Variants in AUNIP observed in about 807,000 individuals in gnomAD.
AUNIP encodes the protein aurora kinase A and ninein interacting protein.
A neutral mutation model predicts 12.2 loss-of-function variants in AUNIP; 16 were observed. That is an observed-to-expected ratio of 1.31 (90% CI 0.88 to 1.99). The LOEUF (loss-of-function observed/expected upper bound fraction) is 1.99, where lower values mean the gene tolerates loss of function less well. AUNIP is among the 30% of genes most tolerant of loss of function. The pLI is 0.00. For synonymous variants in AUNIP, 142 were observed against 154.8 expected (o/e 0.92, Z 0.61); for missense variants, 411 against 419.1 (o/e 0.98, Z 0.17).
intron 1 of AUNIP, among the ~76,000 whole-genome samples, chr1:25,858,958 G>A (rs2048484761): frequency 6.6e-6 from 1 of 152,066 alleles, no homozygotes; most frequent in Non-Finnish European, 1.5e-5. Flanking sequence ...GGCCTCCTAG[G>A]GAGCCTGGTC....
At chr1:25,837,326 A>T in intron 2 of AUNIP, 87 bp downstream of exon 2, 1 of 1,445,560 alleles carries the variant, frequency 6.9e-7, no homozygotes, top group Non-Finnish European at 9.3e-7. Flanking sequence ...TGGTTTCACC[A>T]TTTCTCATAA....
chr1:25,836,537 C>T (rs980809884), intron 2 of AUNIP, among the ~76,000 whole-genome samples: 1 of 152,188 alleles, frequency 6.6e-6, no homozygotes, highest in Admixed American at 6.5e-5. Context: ...ATGGAATTCC[C>T]AACTTGGCTC....
In AUNIP at chr1:25,836,207, G is replaced by A. The variant is rs150588293; in HGVS notation, c.221-361C>T. On this transcript the variant is annotated intron_variant, in intron 2 of 2. Transcript: ENST00000374298. ...GTTTTGCTTTTGTTTTTTATTTAAT[G>A]TGGTTTTTTACTAAATGGTGATCCT... 5.4e-4 allele frequency among the ~76,000 whole-genome samples: 82 copies of A among 152,238 alleles called. 1 individual carries two copies. In the East Asian group the frequency reaches 0.014, roughly 27 times the overall value.
Position 25,834,019 on chromosome 1 carries a change from T to C in AUNIP, c.*974A>G, listed in dbSNP as rs754359893. 1.1e-5 allele frequency: 11 copies of C among 984,092 alleles called. No individual in the cohort carries two copies. Among genetic ancestry groups the C allele is most frequent in the South Asian group, 4.7e-5 (1 of 21,256 alleles). The allele number at this position is 984,092 out of a possible 1,614,324, so 61.0% of individuals were successfully genotyped here. On this transcript the variant is annotated 3_prime_UTR_variant, in exon 3 of 3. Transcript: ENST00000374298. ...TATCACAAGAGCCACTTTGTAAACA[T>C]TTATTTGGATTCATAGTTTTACAAA...
intron 1 of AUNIP, among the ~76,000 whole-genome samples, chr1:25,839,288 C>T (rs1446661644): frequency 6.6e-6 from 1 of 152,176 alleles, no homozygotes; most frequent in African/African-American, 2.4e-5. Flanking sequence ...CTGAGATTTG[C>T]AGTGCAGAGA....
At chr1:25,842,131 G>A (rs1271887467) in intron 1 of AUNIP, among the ~76,000 whole-genome samples, 1 of 152,176 alleles carries the variant, frequency 6.6e-6, no homozygotes, top group Non-Finnish European at 1.5e-5. Flanking sequence ...GCCAAAAGCT[G>A]AGCCTTTTGC....
At chr1:25,836,434 G>C (rs2048303394) in intron 2 of AUNIP, among the ~76,000 whole-genome samples, 1 of 152,176 alleles carries the variant, frequency 6.6e-6, no homozygotes, top group East Asian at 1.9e-4. Flanking sequence ...TCAATCAGTA[G>C]GTAGAATAGT....
chr1:25,844,376 G>A (rs1206362829), intron 1 of AUNIP, among the ~76,000 whole-genome samples: 1 of 152,172 alleles, frequency 6.6e-6, no homozygotes, highest in Non-Finnish European at 1.5e-5. Flanking sequence ...TGGGATTACA[G>A]GTGTGAGCCA....
chr1:25,834,735 G>A lies in AUNIP; in HGVS notation c.*258C>T. The A allele has an allele frequency of 7.5e-7, 1 of 1,324,766 alleles. No individual in the cohort carries two copies. Among genetic ancestry groups the A allele is most frequent in the East Asian group, 3.0e-5 (1 of 33,778 alleles). The allele number at this position is 1,324,766 out of a possible 1,614,324, so 82.1% of individuals were successfully genotyped here. A position where few individuals can be genotyped will look rare whatever the true frequency, so the allele number is the denominator to read the frequency against. On this transcript the variant is annotated 3_prime_UTR_variant, in exon 3 of 3. Transcript: ENST00000374298. ...ACTTTCATAGAGATAAATACCCACT[G>A]TGCTGCCTCAGTGTTCATCATAGAC...
chr1:25,856,605 G>A (rs981015945), intron 1 of AUNIP, among the ~76,000 whole-genome samples: 1 of 152,072 alleles, frequency 6.6e-6, no homozygotes, highest in Non-Finnish European at 1.5e-5. Context: ...AACCCAGGAG[G>A]TGGAGGTTGC....
chr1:25,850,782 T>A (rs1016374661), intron 1 of AUNIP, among the ~76,000 whole-genome samples: 1 of 94,326 alleles, frequency 1.1e-5, no homozygotes, highest in Non-Finnish European at 2.4e-5. Flanking sequence ...TTTTTTCTAA[T>A]TTTTTTAAGT....
At chr1:25,850,674 T>C (rs2124511230) in intron 1 of AUNIP, among the ~76,000 whole-genome samples, 1 of 152,364 alleles carries the variant, frequency 6.6e-6, no homozygotes, top group South Asian at 2.1e-4. Context: ...TTTGATTCTA[T>C]TGTAAATGAA....
At chr1:25,837,607 C>T in intron 1 of AUNIP, 53 bp from the exon 2 acceptor site, 8 of 1,554,270 alleles carry the variant, frequency 5.1e-6, no homozygotes, top group East Asian at 4.5e-5. Flanking sequence ...AAAAGACATA[C>T]AGTAGAGATT....
At chr1:25,855,542 G>T in intron 1 of AUNIP, among the ~76,000 whole-genome samples, 1 of 152,102 alleles carries the variant, frequency 6.6e-6, no homozygotes, top group East Asian at 1.9e-4. Context: ...CAAGGCCTAA[G>T]TAACGAGGCC....
At chr1:25,845,709 ATACTT>A (rs1225691410) in intron 1 of AUNIP, among the ~76,000 whole-genome samples, 1 of 152,298 alleles carries the variant, frequency 6.6e-6, no homozygotes, top group East Asian at 1.9e-4. Context: ...AATTCAATAA[ATACTT>A]TAGGAAGGTA....
chr1:25,851,241 C>CT (rs1408712491), intron 1 of AUNIP, among the ~76,000 whole-genome samples: 1 of 152,030 alleles, frequency 6.6e-6, no homozygotes, highest in Non-Finnish European at 1.5e-5. Context: ...ATTTATAATC[C>CT]TTTTTATGTG....
chr1:25,856,295 C>CA (rs1176915225), intron 1 of AUNIP, among the ~76,000 whole-genome samples: 7 of 150,790 alleles, frequency 4.6e-5, no homozygotes, highest in South Asian at 2.1e-4. Flanking sequence ...ATCTGGGAGG[C>CA]AGAGGCTGCA....
intron 1 of AUNIP, among the ~76,000 whole-genome samples, chr1:25,845,585 T>C (rs1013880865): frequency 1.3e-5 from 2 of 152,198 alleles, no homozygotes; most frequent in African/African-American, 4.8e-5. Flanking sequence ...CATTTATCAC[T>C]TGGTGTCTGA....
rs917388565 is a variant in AUNIP at position 25,859,429 on chromosome 1, G to A, written c.-72C>T. 2.1e-5 allele frequency: 28 copies of A among 1,351,230 alleles called. No homozygotes were observed. The South Asian group carries it at 2.7e-4, about 13-fold the overall frequency. The allele number at this position is 1,351,230 out of a possible 1,614,324, so 83.7% of individuals were successfully genotyped here. A position where few individuals can be genotyped will look rare whatever the true frequency, so the allele number is the denominator to read the frequency against. ...GCGCCTCAGGGAACGCCAGAACCGCGGCCGCCGACGTTCGGATCTCGCGCC... is the reference window on the plus strand; with the variant it reads ...GCGCCTCAGGGAACGCCAGAACCGCAGCCGCCGACGTTCGGATCTCGCGCC... On this transcript the variant is annotated 5_prime_UTR_variant, in exon 1 of 3. Transcript: ENST00000374298.
Sources: allele counts gnomAD v4.1 joint callset (sites outside exome capture counted in the v4.1 genomes callset), GRCh38; gene constraint gnomAD v4.1.1; transcripts MANE v1.5; gene names NCBI Gene and HGNC (gene_info 2026-07-23, HGNC 2026-07-21).